Variants in LIMCH1 observed in about 807,000 individuals in gnomAD.
LIMCH1 encodes the protein LIM and calponin homology domains-containing protein 1.
In LIMCH1, 113 loss-of-function variants were observed where a neutral mutation model predicts 176.5. The observed-to-expected ratio is 0.64, with a 90% CI of 0.55 to 0.75. The LOEUF (loss-of-function observed/expected upper bound fraction) is 0.75. Ranked by LOEUF, LIMCH1 falls within the 30% of genes least tolerant of loss-of-function variation. The probability of loss-of-function intolerance (pLI) is 0.00; values close to 1 mark genes in which losing one functional copy is unlikely to be tolerated. For missense variants in LIMCH1, 1,674 were observed against 1,814.9 expected (o/e 0.92, Z 1.41); for synonymous variants, 619 against 645.9 (o/e 0.96, Z 0.63).
At chr4:41,540,532 C>T (rs902773262) in intron 1 of LIMCH1, among the ~76,000 whole-genome samples, 2 of 151,978 alleles carry the variant, frequency 1.3e-5, no homozygotes, top group Non-Finnish European at 2.9e-5. Context: ...TGAGATCAGG[C>T]GTTCGAGACC....
intron 1 of LIMCH1, among the ~76,000 whole-genome samples, chr4:41,581,295 T>G (rs1453844425): frequency 6.6e-6 from 1 of 151,994 alleles, no homozygotes. Context: ...CATCCATCAC[T>G]GCAAATGCAG....
At chr4:41,619,138 C>T (rs1402308864) in intron 5 of LIMCH1, 50 bp from the exon 6 acceptor site, 11 of 1,605,034 alleles carry the variant, frequency 6.9e-6, no homozygotes, top group African/African-American at 1.3e-5. Flanking sequence ...ACATTGGGAA[C>T]TTTCTGCTAG....
At chr4:41,419,308 G>T (rs911226643) in intron 1 of LIMCH1, among the ~76,000 whole-genome samples, 1 of 152,012 alleles carries the variant, frequency 6.6e-6, no homozygotes, top group Non-Finnish European at 1.5e-5. Context: ...CTCCCGAGTA[G>T]CTGGGAACAC....
At chr4:41,618,373 C>G (rs1561939981) in intron 5 of LIMCH1, among the ~76,000 whole-genome samples, 1 of 152,138 alleles carries the variant, frequency 6.6e-6, no homozygotes, top group Non-Finnish European at 1.5e-5. Context: ...ATGCTGAATT[C>G]CTTTGTGTTG....
At chr4:41,520,508 T>C (rs1202293779) in intron 2 of LIMCH1, among the ~76,000 whole-genome samples, 1 of 152,170 alleles carries the variant, frequency 6.6e-6, no homozygotes, top group Non-Finnish European at 1.5e-5. Flanking sequence ...CTTATTTATT[T>C]ACCTGTTTTC....
intron 1 of LIMCH1, among the ~76,000 whole-genome samples, chr4:41,475,129 T>C (rs1210976787): frequency 6.6e-6 from 1 of 152,190 alleles, no homozygotes; most frequent in African/African-American, 2.4e-5. Context: ...CCTACCTGTA[T>C]CCAGGAAATC....
chr4:41,408,007 A>C (rs964703545), intron 1 of LIMCH1, among the ~76,000 whole-genome samples: 3 of 152,250 alleles, frequency 2.0e-5, no homozygotes, highest in African/African-American at 7.2e-5. Context: ...TTGCCAGCAT[A>C]GTTCCATATA....
chr4:41,378,540 A>T (rs527814263), intron 1 of LIMCH1, among the ~76,000 whole-genome samples: 1 of 152,342 alleles, frequency 6.6e-6, no homozygotes, highest in Admixed American at 6.5e-5. Flanking sequence ...GCAATGGGGT[A>T]TGACTTAAAA....
At chr4:41,433,749 C>T (rs1457101187) in intron 1 of LIMCH1, among the ~76,000 whole-genome samples, 2 of 151,630 alleles carry the variant, frequency 1.3e-5, no homozygotes, top group Non-Finnish European at 2.9e-5. Flanking sequence ...AAAGTGGCAG[C>T]ATGTTACTTC....
intron 7 of LIMCH1, among the ~76,000 whole-genome samples, chr4:41,621,546 A>T (rs560646572): frequency 6.6e-6 from 1 of 151,560 alleles, no homozygotes; most frequent in South Asian, 2.1e-4. Context: ...CCGTCACCCA[A>T]GCTGGGGTGC....
intron 1 of LIMCH1, among the ~76,000 whole-genome samples, chr4:41,414,396 C>T (rs2059744983): frequency 6.6e-6 from 1 of 152,142 alleles, no homozygotes; most frequent in African/African-American, 2.4e-5. Flanking sequence ...AACTGTTTTC[C>T]TCTCAACTTC....
At chr4:41,429,789 T>C (rs2061432657) in intron 1 of LIMCH1, among the ~76,000 whole-genome samples, 1 of 152,230 alleles carries the variant, frequency 6.6e-6, no homozygotes, top group Admixed American at 6.5e-5. Context: ...CTATGCTACA[T>C]ATCCATGGAG....
intron 22 of LIMCH1, among the ~76,000 whole-genome samples, chr4:41,674,610 T>G (rs2095155931): frequency 6.6e-6 from 1 of 151,412 alleles, no homozygotes; most frequent in Admixed American, 6.6e-5. Flanking sequence ...AAGTTGAAAA[T>G]ACTTTAAGTC....
chr4:41,565,440 T>C (rs1460905456), intron 1 of LIMCH1, among the ~76,000 whole-genome samples: 1 of 149,824 alleles, frequency 6.7e-6, no homozygotes, highest in Non-Finnish European at 1.5e-5. Flanking sequence ...TAAATAAATA[T>C]ATGATAAATA....
chr4:41,559,052 T>C (rs554812408), intron 1 of LIMCH1, among the ~76,000 whole-genome samples: 1 of 152,318 alleles, frequency 6.6e-6, no homozygotes, highest in South Asian at 2.1e-4. Flanking sequence ...AAAAAAATAT[T>C]TTATCTGGTT....
At chr4:41,692,214 A>G in intron 30 of LIMCH1, 68 bp from the exon 31 acceptor site, 1 of 904,616 alleles carries the variant, frequency 1.1e-6, no homozygotes, top group South Asian at 1.3e-5. Context: ...TCACATAAAC[A>G]GTAACTAAGC....
chr4:41,622,054 G>T (rs763322378), intron 7 of LIMCH1, among the ~76,000 whole-genome samples: 1 of 151,406 alleles, frequency 6.6e-6, no homozygotes, highest in Admixed American at 6.6e-5. Flanking sequence ...TTCTGAACAC[G>T]TATGTGCTTC....
chr4:41,579,609 T>C (rs1464180963), intron 1 of LIMCH1, among the ~76,000 whole-genome samples: 1 of 152,206 alleles, frequency 6.6e-6, no homozygotes. Flanking sequence ...AATCAAACTC[T>C]TTTGATGTCC....
intron 5 of LIMCH1, among the ~76,000 whole-genome samples, chr4:41,616,756 A>C (rs1335595257): frequency 1.3e-5 from 2 of 152,076 alleles, no homozygotes; most frequent in Admixed American, 6.5e-5. Flanking sequence ...CATCTCATTT[A>C]ATTCTTGCGA....
Sources: gnomAD v4.1 joint callset for allele counts (sites outside exome capture counted in the v4.1 genomes callset) on GRCh38, gnomAD v4.1.1 for gene constraint, MANE v1.5 for transcripts, NCBI Gene and HGNC (gene_info 2026-07-23, HGNC 2026-07-21) for gene names.